HSPA12A: variants seen among roughly 807,000 people sequenced by gnomAD.
HSPA12A encodes the protein heat shock protein family A (Hsp70) member 12A.
Under a neutral mutation model 69.2 loss-of-function variants are expected in HSPA12A, and 28 were observed. The ratio of observed to expected loss-of-function variants is 0.40; its 90% CI spans 0.30 to 0.55. HSPA12A has a LOEUF of 0.55. HSPA12A is among the 20% of genes least tolerant of loss of function. HSPA12A has a pLI of 0.38. For synonymous variants in HSPA12A, 345 were observed against 370.5 expected, an observed-to-expected ratio of 0.93 and a Z score of 0.79; for missense variants, 686 against 900.7, an observed-to-expected ratio of 0.76 and a Z score of 3.05.
At chr10:116,804,917 A>T (rs1475546033) in intron 2 of HSPA12A, among the ~76,000 whole-genome samples, 2 of 152,228 alleles carry the variant, frequency 1.3e-5, no homozygotes, top group East Asian at 3.8e-4. Context: ...GAAGTTCAAA[A>T]AAGATAGGCG....
chr10:116,849,369 G>T, intron 1 of HSPA12A: 1 of 626,144 alleles, frequency 1.6e-6, no homozygotes, highest in Non-Finnish European at 2.4e-6. Flanking sequence ...ACCTAATGCC[G>T]CAGGGAGAAA....
intron 2 of HSPA12A, among the ~76,000 whole-genome samples, chr10:116,833,662 T>G (rs935574843): frequency 1.3e-5 from 2 of 152,246 alleles, no homozygotes; most frequent in Non-Finnish European, 2.9e-5. Flanking sequence ...TCTATCCCAC[T>G]GAGTATTACA....
At chr10:116,695,194 C>A (rs1190019082) in intron 5 of HSPA12A, among the ~76,000 whole-genome samples, 1 of 152,080 alleles carries the variant, frequency 6.6e-6, no homozygotes, top group African/African-American at 2.4e-5. Context: ...TGCCTCCACA[C>A]CACCGACCTC....
chr10:116,702,809 T>C (rs565876166), intron 3 of HSPA12A, among the ~76,000 whole-genome samples: 49 of 152,306 alleles, frequency 3.2e-4, no homozygotes, highest in African/African-American at 1.1e-3. Flanking sequence ...ATGTTCTGAT[T>C]GAAATAAAAT....
chr10:116,820,759 G>A (rs1197920007), intron 2 of HSPA12A, among the ~76,000 whole-genome samples: 2 of 151,986 alleles, frequency 1.3e-5, no homozygotes, highest in African/African-American at 2.4e-5. Context: ...ATGAGTCCAC[G>A]TTGACATTTC....
exon 1 of HSPA12A, chr10:116,849,643 A>C: frequency 1.9e-6 from 3 of 1,550,300 alleles, no homozygotes; most frequent in Non-Finnish European, 2.6e-6. Flanking sequence ...GCGATGGAGT[A>C]CTACCGGGAG....
At chr10:116,849,366 G>A in intron 1 of HSPA12A, 1 of 615,764 alleles carries the variant, frequency 1.6e-6, no homozygotes, top group East Asian at 3.4e-5. Context: ...CGGACCTAAT[G>A]CCGCAGGGAG....
chr10:116,741,858 G>A (rs1157491045), intron 1 of HSPA12A, among the ~76,000 whole-genome samples: 7 of 152,218 alleles, frequency 4.6e-5, no homozygotes, highest in African/African-American at 1.4e-4. Flanking sequence ...GATGGGCGGG[G>A]AGGTGGGTGA....
At chr10:116,849,609 G>A in exon 1 of HSPA12A, 2 of 1,549,954 alleles carry the variant, frequency 1.3e-6, no homozygotes, top group South Asian at 2.4e-5. Flanking sequence ...GACCACTAGG[G>A]AGCTGCAGAA....
chr10:116,673,032 G>A lies in HSPA12A; in HGVS notation c.*1749C>T, dbSNP rs1266822416. Reference sequence around the variant, plus strand: ...ATCTGCATATTGGCTATGATAATGGGTTTGTGAATCCAAGTTGCATTGGAA... The same window carrying A: ...ATCTGCATATTGGCTATGATAATGGATTTGTGAATCCAAGTTGCATTGGAA... On this transcript the variant is annotated 3_prime_UTR_variant, in exon 12 of 12. Coordinates refer to ENST00000369209, the MANE Select transcript of HSPA12A (RefSeq NM_025015.3). 1 of 152,630 alleles carries A rather than the reference G, an allele frequency of 6.6e-6. No individual in the cohort carries two copies. Among genetic ancestry groups the A allele is most frequent in the African/African-American group, 2.4e-5 (1 of 41,458 alleles). 9.5% of individuals were successfully genotyped at this position (152,630 alleles called of 1,614,324 possible). A position where few individuals can be genotyped will look rare whatever the true frequency, so the allele number is the denominator to read the frequency against.
At chr10:116,810,592 C>A (rs9421242) in intron 2 of HSPA12A, among the ~76,000 whole-genome samples, 87,252 of 152,018 alleles carry the variant, frequency 0.57, 25,364 homozygotes, top group East Asian at 0.86. Context: ...TGCAGATGGT[C>A]TAACCCAGTG....
At chr10:116,794,507 C>G (rs559459282) in intron 2 of HSPA12A, among the ~76,000 whole-genome samples, 101 of 152,214 alleles carry the variant, frequency 6.6e-4, no homozygotes, top group Non-Finnish European at 9.7e-4. Context: ...CATCAGAACG[C>G]AATAGTAAAA....
chr10:116,703,552 C>A (rs974057703), intron 3 of HSPA12A, among the ~76,000 whole-genome samples: 4 of 148,826 alleles, frequency 2.7e-5, no homozygotes, highest in Admixed American at 6.6e-5. Context: ...AAAAAAATAA[C>A]AACAACAACA....
chr10:116,762,162 CT>C (rs1356540899), intron 2 of HSPA12A, among the ~76,000 whole-genome samples: 2 of 152,302 alleles, frequency 1.3e-5, no homozygotes, highest in African/African-American at 4.8e-5. Context: ...GGCCTGTCCC[CT>C]GCCTCACTCT....
At chr10:116,836,288 T>C (rs954100160) in intron 1 of HSPA12A, among the ~76,000 whole-genome samples, 1 of 152,028 alleles carries the variant, frequency 6.6e-6, no homozygotes, top group Non-Finnish European at 1.5e-5. Context: ...AATGGGCTGC[T>C]AGGGAGGTTT....
At chr10:116,820,485 T>C (rs979455568) in intron 2 of HSPA12A, among the ~76,000 whole-genome samples, 4 of 152,024 alleles carry the variant, frequency 2.6e-5, no homozygotes, top group African/African-American at 9.7e-5. Flanking sequence ...GACCATGACT[T>C]TGCATCAGTT....
chr10:116,680,824 C>G (rs1396058121), intron 9 of HSPA12A, among the ~76,000 whole-genome samples: 1 of 152,176 alleles, frequency 6.6e-6, no homozygotes, highest in Non-Finnish European at 1.5e-5. Context: ...GGTGAGGCCT[C>G]CCTAGAAAGT....
At chr10:116,708,219 C>G (rs781937044) in intron 1 of HSPA12A, 1 of 152,332 alleles carries the variant, frequency 6.6e-6, no homozygotes. Context: ...AGACTGCGTG[C>G]TCCCACCGCA....
chr10:116,835,434 T>C (rs939226925), intron 1 of HSPA12A, among the ~76,000 whole-genome samples: 6 of 152,172 alleles, frequency 3.9e-5, no homozygotes, highest in Non-Finnish European at 5.9e-5. Context: ...GCCGAGACTC[T>C]GTCCTCTGGT....
Sources: allele counts gnomAD v4.1 joint callset (sites outside exome capture counted in the v4.1 genomes callset), GRCh38; gene constraint gnomAD v4.1.1; transcripts MANE v1.5; gene names NCBI Gene and HGNC (gene_info 2026-07-23, HGNC 2026-07-21).